Variants in CTTNBP2 observed in about 807,000 individuals in gnomAD.
CTTNBP2 encodes cortactin-binding protein 2.
A neutral mutation model predicts 156.9 loss-of-function variants in CTTNBP2; 108 were observed. That is an observed-to-expected ratio of 0.69 (90% CI 0.59 to 0.81). The LOEUF (loss-of-function observed/expected upper bound fraction) is 0.81, where lower values mean the gene tolerates loss of function less well. Among genes scored for constraint, CTTNBP2 ranks in the 30% least tolerant of loss-of-function variants. The pLI, the probability that CTTNBP2 is intolerant of heterozygous loss-of-function variation, is 0.00. For missense variants in CTTNBP2, 1,924 were observed against 2,035.4 expected, an observed-to-expected ratio of 0.95 and a Z score of 1.05; for synonymous variants, 767 against 751.8, an observed-to-expected ratio of 1.02 and a Z score of -0.33.
At chr7:117,830,589 A>G (rs983126565) in intron 2 of CTTNBP2, among the ~76,000 whole-genome samples, 8 of 152,240 alleles carry the variant, frequency 5.3e-5, no homozygotes, top group Admixed American at 3.9e-4. Flanking sequence ...CCAAATACAT[A>G]GCCATTGGGA....
intron 2 of CTTNBP2, among the ~76,000 whole-genome samples, chr7:117,846,934 A>T (rs1006511734): frequency 6.6e-6 from 1 of 152,140 alleles, no homozygotes; most frequent in Non-Finnish European, 1.5e-5. Flanking sequence ...TGAAGAAAAA[A>T]TGGTAGTGAA....
chr7:117,760,560 G>A lies in CTTNBP2; in HGVS notation c.3047C>T (p.Ala1016Val). The A allele has an allele frequency of 6.2e-7, 1 of 1,614,130 alleles. No homozygotes were observed. The highest frequency in any genetic ancestry group is 1.1e-5 in the South Asian group (1 of 91,084). The change falls in exon 10 of 23, where the codon GCT (alanine) becomes GTT (valine). Residue 1016 changes from alanine to valine, a missense_variant. Physicochemically the swap from Ala to Val is moderately conservative, Grantham distance 64. Transcript: ENST00000160373. ...WDDFSKAVSQALTNHFQAISS... is the reference protein window; with the variant it reads ...WDDFSKAVSQVLTNHFQAISS... ...GATTGCCTGGAAATGATTTGTCAGA[G>A]CTTGACTCACTGCTTTTGAAAAATC...
In CTTNBP2 at chr7:117,754,045, T is replaced by G. The variant is rs763547893; in HGVS notation, c.3348+2510A>C. 8.5e-4 allele frequency among the ~76,000 whole-genome samples: 130 copies of G among 152,324 alleles called. 3 individuals are homozygous for G. The highest frequency in any genetic ancestry group is 5.0e-4 in the Non-Finnish European group (34 of 68,016). On this transcript the variant is annotated intron_variant, in intron 12 of 22. Transcript: ENST00000160373. The stretch of plus-strand genomic sequence containing the variant: ...AGCTATGCCATTCTCTGGCTCAAAT[T>G]CCCTCAGTGGCTTCCTATCCACTTG...
rs755622216 is a variant in CTTNBP2 at position 117,724,726 on chromosome 7, T to C, written c.4268A>G (p.Asp1423Gly). Residue 1423 changes from aspartate (D) to glycine (G), a missense_variant, in exon 19 of 23, where the codon GAC becomes GGC. Transcript: ENST00000160373. Reference protein sequence around the residue: ...HGCPLPRAELDQHTADFKGGS... With the variant: ...HGCPLPRAELGQHTADFKGGS... ...TCCTTTGAAATCAGCTGTATGCTGG[T>C]CTAGCTCTGAAACAACACAAATCAC... The C allele has an allele frequency of 6.2e-7, 1 of 1,613,920 alleles. No individual in the cohort carries two copies. The highest frequency in any genetic ancestry group is 8.5e-7 in the Non-Finnish European group (1 of 1,179,980).
chr7:117,717,976 G>GCAAT, intron 22 of CTTNBP2, 42 bp downstream of exon 22: 7 of 1,204,476 alleles, frequency 5.8e-6, no homozygotes, highest in Non-Finnish European at 8.7e-6. Flanking sequence ...CAATTCCACA[G>GCAAT]CAATCATCCT....
chr7:117,773,672 CA>C (rs1242017869), intron 8 of CTTNBP2, among the ~76,000 whole-genome samples: 1 of 149,044 alleles, frequency 6.7e-6, no homozygotes, highest in Non-Finnish European at 1.5e-5. Flanking sequence ...CACACACACA[CA>C]CACACACACA....
Position 117,780,570 on chromosome 7 carries a change from T to A in CTTNBP2, c.2394A>T (p.Ser798=). ...CAGCATGATTAATGTTAGCATCATA[T>A]GAAATTAATAATTCTACACACCTAA... is the stretch of plus-strand genomic sequence containing the variant. ...GHFECVELLI[S]YDANINHAAD... Residue 798 remains serine (S), a synonymous_variant, in exon 7 of 23, where the codon TCA becomes TCT. Transcript: ENST00000160373. The A allele has an allele frequency of 6.3e-7, 1 of 1,589,642 alleles. No individual in the cohort carries two copies. Among genetic ancestry groups the A allele is most frequent in the Non-Finnish European group, 8.6e-7 (1 of 1,169,196 alleles).
At chr7:117,808,688 T>C (rs1194554680) in intron 3 of CTTNBP2, among the ~76,000 whole-genome samples, 1 of 152,244 alleles carries the variant, frequency 6.6e-6, no homozygotes, top group Non-Finnish European at 1.5e-5. Context: ...TTTAAAGAAC[T>C]GAACTCATTT....
intron 3 of CTTNBP2, among the ~76,000 whole-genome samples, chr7:117,801,405 T>C (rs915462013): frequency 6.6e-6 from 1 of 152,240 alleles, no homozygotes; most frequent in Non-Finnish European, 1.5e-5. Flanking sequence ...TTCAGAAATA[T>C]CAGGGTAAAT....
intron 2 of CTTNBP2, among the ~76,000 whole-genome samples, chr7:117,817,355 A>ATATATATATATAT (rs1340432275): frequency 3.2e-5 from 1 of 31,270 alleles, no homozygotes; most frequent in Non-Finnish European, 6.8e-5. Flanking sequence ...AAAAAAAAAA[A>ATATATATATATAT]AAAAAAATAT....
At chr7:117,759,853 C>T (rs975311641) in intron 10 of CTTNBP2, among the ~76,000 whole-genome samples, 5 of 152,214 alleles carry the variant, frequency 3.3e-5, no homozygotes, top group African/African-American at 4.8e-5. Context: ...TAATCAGGGA[C>T]ACCTAATATT....
At position 117,734,977 on chromosome 7, in the gene CTTNBP2, C is replaced by T. The variant is rs368897036; in HGVS notation, c.3812G>A (p.Arg1271Gln). ...VQQHFRWVQLRWDGEPMQGLL... is the reference protein window; with the variant it reads ...VQQHFRWVQLQWDGEPMQGLL... ...TCCTTGCATGGGCTCGCCATCCCAC[C>T]GCAGCTGCACCCAGCGGAAATGCTG... Residue 1271 changes from arginine (R) to glutamine (Q), a missense_variant, in exon 16 of 23, where the codon CGG becomes CAG. Transcript: ENST00000160373. 21 of 1,613,676 alleles carry T rather than the reference C, an allele frequency of 1.3e-5. No homozygotes were observed. Among genetic ancestry groups the T allele is most frequent in the East Asian group, 4.5e-5 (2 of 44,882 alleles).
chr7:117,716,635 GCTGGGCTTCTA>G (rs1372678946), intron 22 of CTTNBP2, among the ~76,000 whole-genome samples: 1 of 152,150 alleles, frequency 6.6e-6, no homozygotes, highest in Non-Finnish European at 1.5e-5. Flanking sequence ...TCCAAATTTT[GCTGGGCTTCTA>G]AATTGTTCCC....
chr7:117,800,322 C>T (rs562091739), intron 3 of CTTNBP2, among the ~76,000 whole-genome samples: 2 of 151,932 alleles, frequency 1.3e-5, no homozygotes, highest in Admixed American at 6.6e-5. Flanking sequence ...CAGAATAGTG[C>T]TCAGCAGTTT....
At chr7:117,785,627 C>T (rs941381151) in intron 4 of CTTNBP2, among the ~76,000 whole-genome samples, 1 of 152,242 alleles carries the variant, frequency 6.6e-6, no homozygotes, top group East Asian at 1.9e-4. Context: ...TCTATATGCA[C>T]AATACATCTC....
intron 2 of CTTNBP2, among the ~76,000 whole-genome samples, chr7:117,819,625 T>C (rs1386340399): frequency 6.6e-6 from 1 of 152,062 alleles, no homozygotes; most frequent in East Asian, 1.9e-4. Context: ...ACTGCATCTG[T>C]GTGTGAAGAT....
intron 19 of CTTNBP2, among the ~76,000 whole-genome samples, chr7:117,723,566 C>T (rs1794921007): frequency 6.6e-6 from 1 of 152,076 alleles, no homozygotes; most frequent in African/African-American, 2.4e-5. Flanking sequence ...TTGGGAAAGA[C>T]ATTTATAATT....
At chr7:117,785,442 C>G (rs541573750) in intron 4 of CTTNBP2, among the ~76,000 whole-genome samples, 2 of 152,254 alleles carry the variant, frequency 1.3e-5, no homozygotes, top group East Asian at 3.9e-4. Flanking sequence ...AAGACATTTT[C>G]CGCTTTTTCC....
chr7:117,791,973 G>C lies in CTTNBP2; in HGVS notation c.1223C>G (p.Pro408Arg), dbSNP rs569551143. 1.8e-5 allele frequency: 29 copies of C among 1,614,138 alleles called. No homozygotes were observed. Among genetic ancestry groups the C allele is most frequent in the Non-Finnish European group, 2.5e-5 (29 of 1,180,024 alleles). ...TPPLPSNAAP[P>R]TAQTPGIAPQ... ...AGCTATGCCTGGTGTTTGAGCGGTG[G>C]GAGGGGCAGCGTTACTGGGAAGTGG... The change falls in exon 4 of 23, where the codon CCC becomes CGC. Residue 408 changes from proline to arginine, a missense_variant. Coordinates refer to ENST00000160373, the MANE Select transcript of CTTNBP2 (RefSeq NM_033427.3).
Sources: gnomAD v4.1 joint callset for allele counts (sites outside exome capture counted in the v4.1 genomes callset) on GRCh38, gnomAD v4.1.1 for gene constraint, MANE v1.5 for transcripts, NCBI Gene and HGNC (gene_info 2026-07-23, HGNC 2026-07-21) for gene names.